The following WWOX variants were observed in gnomAD, a reference collection of about 807,000 sequenced individuals.
WWOX encodes the protein WW domain containing oxidoreductase.
A neutral mutation model predicts 46.2 loss-of-function variants in WWOX; 69 were observed. The ratio of observed to expected loss-of-function variants is 1.49; its 90% CI spans 1.23 to 1.82. The LOEUF is 1.82. Among genes scored for constraint, WWOX ranks in the 40% most tolerant of loss-of-function variants. The pLI, the probability that WWOX is intolerant of heterozygous loss-of-function variation, is 0.00. For missense variants in WWOX, 919 were observed against 542.6 expected, an observed-to-expected ratio of 1.69 and a Z score of -6.89; for synonymous variants, 359 against 202.6, an observed-to-expected ratio of 1.77 and a Z score of -6.56.
At chr16:78,617,662 G>T (rs2046060715) in intron 8 of WWOX, among the ~76,000 whole-genome samples, 1 of 152,112 alleles carries the variant, frequency 6.6e-6, no homozygotes, top group Non-Finnish European at 1.5e-5. Context: ...CCTCAAGCTT[G>T]CATGGCGCTC....
chr16:78,606,419 A>C (rs190326000), intron 8 of WWOX, among the ~76,000 whole-genome samples: 3 of 152,074 alleles, frequency 2.0e-5, no homozygotes, highest in Admixed American at 6.5e-5. Context: ...TGTGGGCTAC[A>C]TGCTTTTCAG....
intron 8 of WWOX, among the ~76,000 whole-genome samples, chr16:79,025,452 C>A (rs1448486477): frequency 6.6e-6 from 1 of 152,092 alleles, no homozygotes; most frequent in Non-Finnish European, 1.5e-5. Context: ...TCAGCAGAGA[C>A]AGAAGTGAAG....
At chr16:79,131,701 CA>C (rs202049187) in intron 8 of WWOX, among the ~76,000 whole-genome samples, 3,397 of 152,252 alleles carry the variant, frequency 0.022, 120 homozygotes, top group African/African-American at 0.075. Flanking sequence ...TTTTCAAAAA[CA>C]GGACATGGGT....
At chr16:78,262,945 A>C (rs1422795013) in intron 5 of WWOX, among the ~76,000 whole-genome samples, 2 of 152,142 alleles carry the variant, frequency 1.3e-5, no homozygotes, top group Non-Finnish European at 2.9e-5. Context: ...CAACAAGGAG[A>C]GACAAAACAG....
rs374637758 is a variant in WWOX at position 78,941,095 on chromosome 16, C to G, written c.1057-270513C>G. Among the ~76,000 whole-genome samples, 46 of 152,220 alleles carry G rather than the reference C, an allele frequency of 3.0e-4. 1 individual carries two copies. Among genetic ancestry groups the G allele is most frequent in the African/African-American group, 1.1e-3 (45 of 41,538 alleles). On this transcript the variant is annotated intron_variant, in intron 8 of 8. Coordinates refer to ENST00000566780, the MANE Select transcript of WWOX (RefSeq NM_016373.4). ...TGATTGGTCCCTGATTGCCTCACAT[C>G]TTGCAAAGAATCCTCTTCTAGAAAG...
chr16:78,926,978 T>C (rs1033150978), intron 8 of WWOX, among the ~76,000 whole-genome samples: 1 of 152,028 alleles, frequency 6.6e-6, no homozygotes, highest in African/African-American at 2.4e-5. Flanking sequence ...GTATTTTCTG[T>C]AGAGATGGGG....
intron 4 of WWOX, among the ~76,000 whole-genome samples, chr16:78,145,142 A>G (rs1047854321): frequency 6.6e-6 from 1 of 152,130 alleles, no homozygotes; most frequent in African/African-American, 2.4e-5. Context: ...CCTTCTGAGG[A>G]CTGGGAGGAG....
chr16:78,743,108 C>G (rs2049270326), intron 8 of WWOX, among the ~76,000 whole-genome samples: 1 of 152,066 alleles, frequency 6.6e-6, no homozygotes, highest in Non-Finnish European at 1.5e-5. Flanking sequence ...CGTCTCTCTC[C>G]TTGGAGGAGA....
intron 8 of WWOX, among the ~76,000 whole-genome samples, chr16:79,137,108 C>A (rs142568464): frequency 1.8e-4 from 27 of 152,288 alleles, no homozygotes; most frequent in African/African-American, 6.3e-4. Context: ...AATATTCTCA[C>A]GCTTCCAGAA....
In WWOX at chr16:78,996,131, G is replaced by T. The variant is rs1015615646; in HGVS notation, c.1057-215477G>T. 4.4e-6 allele frequency: 4 copies of T among 906,264 alleles called. No homozygotes were observed. In the African/African-American group the frequency reaches 5.5e-5, roughly 12 times the overall value. 56.1% of individuals were successfully genotyped at this position (906,264 alleles called of 1,614,324 possible). ...CCCTTCCATGAAAGTCAGCTCAGGC[G>T]TAGAATGTTCTTTTTTTTAATTTTT... On this transcript the variant is annotated intron_variant, in intron 8 of 8. Transcript: ENST00000566780.
chr16:78,973,515 C>T (rs544063738), intron 8 of WWOX, among the ~76,000 whole-genome samples: 1 of 152,206 alleles, frequency 6.6e-6, no homozygotes, highest in East Asian at 1.9e-4. Context: ...CTGATGAATA[C>T]GAAGCCTCCC....
chr16:79,171,584 G>T (rs901712563), intron 8 of WWOX, among the ~76,000 whole-genome samples: 2 of 152,160 alleles, frequency 1.3e-5, no homozygotes, highest in African/African-American at 4.8e-5. Context: ...TGATTTCACA[G>T]TGGGCTTACA....
Position 78,839,272 on chromosome 16 carries a change from C to A in WWOX, c.1057-372336C>A, listed in dbSNP as rs199632107. Among the ~76,000 whole-genome samples the A allele has an allele frequency of 6.6e-5, 10 of 152,254 alleles. No homozygotes were observed. In the East Asian group the frequency reaches 1.9e-3, roughly 29 times the overall value. On this transcript the variant is annotated intron_variant, in intron 8 of 8. Transcript: ENST00000566780. ...ATATTTTCTCTTCCTCCCTTCCAGT[C>A]TCTCTCTTCTGTTCCTAGATATAAA...
chr16:78,340,405 T>C (rs1337373341), intron 5 of WWOX, among the ~76,000 whole-genome samples: 1 of 119,772 alleles, frequency 8.3e-6, no homozygotes, highest in African/African-American at 2.8e-5. Context: ...ATGAAGTGTT[T>C]ACCCTGTTGG....
chr16:78,779,267 C>A (rs1199110937), intron 8 of WWOX, among the ~76,000 whole-genome samples: 1 of 152,170 alleles, frequency 6.6e-6, no homozygotes, highest in Non-Finnish European at 1.5e-5. Flanking sequence ...ATCTCAGCCT[C>A]CTGAGTAGCT....
chr16:78,394,902 T>C (rs2082251108), intron 6 of WWOX, among the ~76,000 whole-genome samples: 1 of 152,228 alleles, frequency 6.6e-6, no homozygotes, highest in South Asian at 2.1e-4. Context: ...TACCACTTAC[T>C]GGCTGTGTGG....
chr16:78,795,980 G>C (rs1297940542), intron 8 of WWOX, among the ~76,000 whole-genome samples: 1 of 152,156 alleles, frequency 6.6e-6, no homozygotes, highest in African/African-American at 2.4e-5. Context: ...ATAAGGCAAA[G>C]AACATTTTGT....
intron 6 of WWOX, among the ~76,000 whole-genome samples, chr16:78,405,703 T>C (rs2082511998): frequency 6.6e-6 from 1 of 152,196 alleles, no homozygotes; most frequent in African/African-American, 2.4e-5. Context: ...AAATATCCTC[T>C]TTTAGGCACC....
intron 8 of WWOX, among the ~76,000 whole-genome samples, chr16:78,640,292 C>G (rs1351887238): frequency 8.7e-6 from 1 of 115,042 alleles, no homozygotes. Context: ...CGAATGGATA[C>G]TATTGAAGGA....
Sources: gnomAD v4.1 joint callset for allele counts (sites outside exome capture counted in the v4.1 genomes callset) on GRCh38, gnomAD v4.1.1 for gene constraint, MANE v1.5 for transcripts, NCBI Gene and HGNC (gene_info 2026-07-23, HGNC 2026-07-21) for gene names.